The following IL1RAPL2 variants were observed in gnomAD, a reference collection of about 807,000 sequenced individuals.
IL1RAPL2 encodes X-linked interleukin-1 receptor accessory protein-like 2.
Under a neutral mutation model 44.1 loss-of-function variants are expected in IL1RAPL2, and 3 were observed. The ratio of observed to expected loss-of-function variants is 0.07; its 90% CI spans 0.03 to 0.18. IL1RAPL2 has a LOEUF of 0.18. IL1RAPL2 is among the 10% of genes least tolerant of loss of function. IL1RAPL2 has a pLI of 1.00. For missense variants in IL1RAPL2, 391 were observed against 496.4 expected (o/e 0.79, Z 2.02); for synonymous variants, 181 against 178.8 (o/e 1.01, Z -0.10).
At chrX:105,457,658 T>C (rs1006449742) in intron 5 of IL1RAPL2, among the ~76,000 whole-genome samples, 15 of 108,760 alleles carry the variant, frequency 1.4e-4, no homozygotes, top group African/African-American at 5.0e-4. Flanking sequence ...TATATATATG[T>C]ATGTTTTATA....
rs186934612 is a variant in IL1RAPL2 at position 105,440,929 on chromosome X, C to A, written c.698-43384C>A. ...CCCCTGCACAAGCTCTCTTGTCTAC[C>A]ACCATGTAAGATGTGTCTGGCTTCC... is the stretch of plus-strand genomic sequence containing the variant. On this transcript the variant is annotated intron_variant, in intron 5 of 10. Transcript: ENST00000372582. 4.5e-3 allele frequency among the ~76,000 whole-genome samples: 507 copies of A among 111,676 alleles called. 1 individual carries two copies. The highest frequency in any genetic ancestry group is 0.019 in the Middle Eastern group (4 of 214).
At chrX:105,428,804 G>A (rs1262824839) in intron 5 of IL1RAPL2, among the ~76,000 whole-genome samples, 1 of 111,163 alleles carries the variant, frequency 9.0e-6, no homozygotes, top group Non-Finnish European at 1.9e-5. Flanking sequence ...AGAGCACCAT[G>A]CTTTACGTAA....
intron 2 of IL1RAPL2, among the ~76,000 whole-genome samples, chrX:105,153,649 C>T (rs2033246343): frequency 9.0e-6 from 1 of 111,610 alleles, no homozygotes. Context: ...AGACATAAAT[C>T]AATACATGTA....
Position 104,755,922 on chromosome X carries a change from G to C in IL1RAPL2, c.82+96927G>C, listed in dbSNP as rs190486773. Among the ~76,000 whole-genome samples, 14 of 111,594 alleles carry C rather than the reference G, an allele frequency of 1.3e-4. No individual in the cohort carries two copies. In the East Asian group the frequency reaches 3.7e-3, roughly 29 times the overall value. ...TTTGCTTTAAGTGACAATTTCACTT[G>C]TATGTTTTAATCAGTTTACAAAAAT... On this transcript the variant is annotated intron_variant, in intron 2 of 10. Coordinates refer to ENST00000372582, the MANE Select transcript of IL1RAPL2 (RefSeq NM_017416.2).
At chrX:105,261,797 G>C (rs2034361865) in intron 4 of IL1RAPL2, among the ~76,000 whole-genome samples, 1 of 111,267 alleles carries the variant, frequency 9.0e-6, no homozygotes. Flanking sequence ...CCTATTATTA[G>C]ACAGGAGTCC....
chrX:105,708,503 T>C (rs2038182979), intron 6 of IL1RAPL2, among the ~76,000 whole-genome samples: 1 of 111,683 alleles, frequency 9.0e-6, no homozygotes, highest in South Asian at 3.7e-4. Flanking sequence ...GTACCAAAAG[T>C]TGTGATCTTA....
At chrX:105,027,681 ATGC>A (rs1347969172) in intron 2 of IL1RAPL2, among the ~76,000 whole-genome samples, 1 of 111,312 alleles carries the variant, frequency 9.0e-6, no homozygotes, top group Non-Finnish European at 1.9e-5. Flanking sequence ...GAAATAACAA[ATGC>A]TGGTGAGGAT....
At chrX:104,652,889 G>A (rs1930178533) in intron 1 of IL1RAPL2, among the ~76,000 whole-genome samples, 1 of 111,146 alleles carries the variant, frequency 9.0e-6, no homozygotes, top group African/African-American at 3.3e-5. Context: ...TGGCTCTAGC[G>A]GCTAGGAGTT....
At chrX:105,540,649 C>T (rs2036713527) in intron 6 of IL1RAPL2, among the ~76,000 whole-genome samples, 1 of 104,755 alleles carries the variant, frequency 9.5e-6, no homozygotes, top group Non-Finnish European at 1.9e-5. Context: ...ATTTCTGACT[C>T]ATATCTAACT....
chrX:104,571,144 T>A (rs1928141352), intron 1 of IL1RAPL2, among the ~76,000 whole-genome samples: 1 of 111,348 alleles, frequency 9.0e-6, no homozygotes, highest in South Asian at 3.8e-4. Context: ...TGCAGTTAGG[T>A]CTTCTAGATT....
chrX:105,505,083 ACCCTCCCTT>A (rs1175217864), intron 6 of IL1RAPL2, among the ~76,000 whole-genome samples: 4 of 110,823 alleles, frequency 3.6e-5, no homozygotes, highest in African/African-American at 1.3e-4. Context: ...AAATGACCCT[ACCCTCCCTT>A]CCTTACCTGA....
chrX:105,489,742 CTCTCTTTCTTTCTT>C (rs1171703361), intron 6 of IL1RAPL2, among the ~76,000 whole-genome samples: 3 of 101,587 alleles, frequency 3.0e-5, no homozygotes, highest in African/African-American at 7.8e-5. Context: ...CTCTCTCTCT[CTCTCTTTCTTTCTT>C]TCTCTTTCTT....
chrX:104,652,722 G>C (rs767613932), intron 1 of IL1RAPL2, among the ~76,000 whole-genome samples: 1 of 111,687 alleles, frequency 9.0e-6, no homozygotes, highest in East Asian at 2.8e-4. Flanking sequence ...GAGAGATTAG[G>C]ACAATGATAA....
chrX:105,305,349 T>TAC (rs760062576), intron 5 of IL1RAPL2, among the ~76,000 whole-genome samples: 3,992 of 111,110 alleles, frequency 0.036, 201 homozygotes, highest in African/African-American at 0.12. Context: ...TTCACACACA[T>TAC]ACACACACAC....
chrX:104,718,432 A>G (rs1409497969), intron 2 of IL1RAPL2, among the ~76,000 whole-genome samples: 1 of 110,847 alleles, frequency 9.0e-6, no homozygotes, highest in Non-Finnish European at 1.9e-5. Context: ...TGTCTTCCCC[A>G]TGTGTCAAGG....
intron 1 of IL1RAPL2, among the ~76,000 whole-genome samples, chrX:104,623,143 T>C (rs776440925): frequency 1.2e-4 from 13 of 111,545 alleles, no homozygotes; most frequent in Non-Finnish European, 2.4e-4. Context: ...GAATAATCTA[T>C]TGATGGTATT....
chrX:105,591,954 G>C (rs1569456871), intron 6 of IL1RAPL2, among the ~76,000 whole-genome samples: 1 of 110,896 alleles, frequency 9.0e-6, no homozygotes, highest in Non-Finnish European at 1.9e-5. Flanking sequence ...GTCGAGTTCA[G>C]GTACCAAATA....
chrX:105,298,135 G>A (rs973682675), intron 5 of IL1RAPL2, among the ~76,000 whole-genome samples: 1 of 110,689 alleles, frequency 9.0e-6, no homozygotes. Context: ...TTTTTGTTAT[G>A]AGAACATTTA....
At chrX:104,645,446 A>T (rs1930016095) in intron 1 of IL1RAPL2, among the ~76,000 whole-genome samples, 1 of 111,656 alleles carries the variant, frequency 9.0e-6, no homozygotes, top group Non-Finnish European at 1.9e-5. Flanking sequence ...ATTCTACTTC[A>T]ATGAACATTC....
Sources: allele counts gnomAD v4.1 joint callset (sites outside exome capture counted in the v4.1 genomes callset), GRCh38; gene constraint gnomAD v4.1.1; transcripts MANE v1.5; gene names NCBI Gene and HGNC (gene_info 2026-07-23, HGNC 2026-07-21).